Variants in CACNB2 observed in about 807,000 individuals in gnomAD.
CACNB2 encodes voltage-dependent L-type calcium channel subunit beta-2.
CACNB2 carries 42 observed loss-of-function variants against 73.3 expected under a neutral mutation model. The observed-to-expected ratio is 0.57, with a 90% CI of 0.45 to 0.74. The LOEUF is 0.74. Ranked by LOEUF, CACNB2 falls within the 30% of genes least tolerant of loss-of-function variation. CACNB2 has a pLI of 0.00. For synonymous variants in CACNB2, 348 were observed against 310.3 expected, an observed-to-expected ratio of 1.12 and a Z score of -1.28; for missense variants, 940 against 853.0, an observed-to-expected ratio of 1.10 and a Z score of -1.27.
At chr10:18,483,531 C>CA (rs58945993) in intron 3 of CACNB2, among the ~76,000 whole-genome samples, 61,417 of 114,858 alleles carry the variant, frequency 0.53, 14,805 homozygotes, top group Middle Eastern at 0.66. Flanking sequence ...AACTCTGTCT[C>CA]AAAAAAAAAA....
At chr10:18,211,294 A>G (rs2035306704) in intron 2 of CACNB2, among the ~76,000 whole-genome samples, 1 of 152,192 alleles carries the variant, frequency 6.6e-6, no homozygotes, top group African/African-American at 2.4e-5. Flanking sequence ...GGACATTGCC[A>G]TTGTCTAGGA....
chr10:18,244,949 T>C (rs751099099), intron 2 of CACNB2, among the ~76,000 whole-genome samples: 12 of 151,900 alleles, frequency 7.9e-5, no homozygotes, highest in Non-Finnish European at 1.8e-4. Flanking sequence ...GGTGCAGAGG[T>C]CAGAAGGAAA....
chr10:18,366,334 G>T (rs1322642753), intron 2 of CACNB2, among the ~76,000 whole-genome samples: 1 of 151,714 alleles, frequency 6.6e-6, no homozygotes, highest in Non-Finnish European at 1.5e-5. Context: ...GCGTGGTGGC[G>T]GGCACCTGTA....
At chr10:18,394,281 G>A (rs904545871) in intron 2 of CACNB2, among the ~76,000 whole-genome samples, 1 of 152,268 alleles carries the variant, frequency 6.6e-6, no homozygotes, top group African/African-American at 2.4e-5. Context: ...ATAGATGTGT[G>A]TGAGAGAGAG....
chr10:18,402,152 T>C, intron 3 of CACNB2, 109 bp downstream of exon 3: 1 of 1,253,054 alleles, frequency 8.0e-7, no homozygotes. Flanking sequence ...GAGAATTTCA[T>C]TGTCTGGTTT....
At chr10:18,183,909 A>AGCCCAGGAGAGTTACTGAATTGTT (rs2034016938) in intron 2 of CACNB2, among the ~76,000 whole-genome samples, 2 of 152,186 alleles carry the variant, frequency 1.3e-5, no homozygotes, top group Non-Finnish European at 2.9e-5. Context: ...TAGCTCTGCA[A>AGCCCAGGAGAGTTACTGAATTGTT]GCCCAGGAGA....
intron 3 of CACNB2, among the ~76,000 whole-genome samples, chr10:18,471,331 A>T (rs2048177883): frequency 6.6e-6 from 1 of 152,194 alleles, no homozygotes; most frequent in Non-Finnish European, 1.5e-5. Flanking sequence ...GAAGAAAGGT[A>T]TTGAACAGAA....
At chr10:18,527,787 TCA>T in intron 10 of CACNB2, 90 bp downstream of exon 10, 4 of 853,534 alleles carry the variant, frequency 4.7e-6, no homozygotes, top group Non-Finnish European at 5.9e-6. Flanking sequence ...ATTCCATGTG[TCA>T]CAGAGTATAG....
Position 18,539,740 on chromosome 10 carries a change from G to GCT in CACNB2, c.*16_*17insCT, listed in dbSNP as rs753335762. ...CCGCCAATGAGTTTTGCCCGTTTGT[G>GCT]TTTTTTTTTTTTTTTTTTTGAAGTC... On this transcript the variant is annotated 3_prime_UTR_variant, in exon 14 of 14. Coordinates refer to ENST00000324631, the MANE Select transcript of CACNB2 (RefSeq NM_201596.3). 180 of 1,449,104 alleles carry GCT rather than the reference G, an allele frequency of 1.2e-4. 10 individuals carry two copies. Among genetic ancestry groups the GCT allele is most frequent in the Non-Finnish European group, 1.2e-4 (126 of 1,077,680 alleles). The allele number at this position is 1,449,104 out of a possible 1,614,324, so 89.8% of individuals were successfully genotyped here.
At chr10:18,468,336 A>G (rs762381904) in intron 3 of CACNB2, among the ~76,000 whole-genome samples, 4 of 152,022 alleles carry the variant, frequency 2.6e-5, no homozygotes, top group Admixed American at 6.6e-5. Flanking sequence ...TGGCATGCAT[A>G]TGTAGTTTCA....
chr10:18,364,067 C>T (rs1331964230), intron 2 of CACNB2, among the ~76,000 whole-genome samples: 3 of 151,666 alleles, frequency 2.0e-5, no homozygotes, highest in Non-Finnish European at 4.4e-5. Flanking sequence ...CCAGCCTTGC[C>T]TCCTGAGTAG....
intron 3 of CACNB2, among the ~76,000 whole-genome samples, chr10:18,467,705 C>T (rs913986975): frequency 6.6e-6 from 1 of 152,210 alleles, no homozygotes; most frequent in Non-Finnish European, 1.5e-5. Flanking sequence ...GTCCCCTCAA[C>T]CCAACTCAAA....
At chr10:18,240,682 C>T (rs934243766) in intron 2 of CACNB2, among the ~76,000 whole-genome samples, 2 of 152,164 alleles carry the variant, frequency 1.3e-5, no homozygotes, top group African/African-American at 4.8e-5. Flanking sequence ...AAACCAGTAA[C>T]CTCAGAGTCA....
chr10:18,265,377 C>A (rs1173977164), intron 2 of CACNB2, among the ~76,000 whole-genome samples: 1 of 152,096 alleles, frequency 6.6e-6, no homozygotes, highest in South Asian at 2.1e-4. Flanking sequence ...GTGATCCGCC[C>A]ACCTCAGCTT....
intron 5 of CACNB2, 125 bp from the exon 6 acceptor site, chr10:18,506,346 T>C: frequency 4.3e-6 from 3 of 695,016 alleles, no homozygotes; most frequent in African/African-American, 3.5e-5. Flanking sequence ...ATTGTTTTCC[T>C]CCTTAAATGA....
chr10:18,218,865 CA>C (rs1246999445), intron 2 of CACNB2, among the ~76,000 whole-genome samples: 1 of 151,184 alleles, frequency 6.6e-6, no homozygotes. Context: ...GACTCCATCT[CA>C]AAAAAAAGTA....
At chr10:18,322,025 G>A (rs1349081477) in intron 2 of CACNB2, among the ~76,000 whole-genome samples, 3 of 152,036 alleles carry the variant, frequency 2.0e-5, no homozygotes, top group African/African-American at 7.2e-5. Context: ...GCATGGTGGC[G>A]CATGCCTGTG....
At chr10:18,404,109 A>G (rs534885651) in intron 3 of CACNB2, among the ~76,000 whole-genome samples, 1 of 152,270 alleles carries the variant, frequency 6.6e-6, no homozygotes, top group East Asian at 1.9e-4. Flanking sequence ...ATACACATCT[A>G]TGTACCCATA....
At chr10:18,402,874 CT>C (rs2044081387) in intron 3 of CACNB2, among the ~76,000 whole-genome samples, 1 of 152,122 alleles carries the variant, frequency 6.6e-6, no homozygotes, top group Non-Finnish European at 1.5e-5. Context: ...GGCTAAGTGC[CT>C]TGTTGATCAT....
Sources: allele counts gnomAD v4.1 joint callset (sites outside exome capture counted in the v4.1 genomes callset), GRCh38; gene constraint gnomAD v4.1.1; transcripts MANE v1.5; gene names NCBI Gene and HGNC (gene_info 2026-07-23, HGNC 2026-07-21).